OTOG: variants seen among roughly 807,000 people sequenced by gnomAD.
OTOG encodes the protein otogelin.
In OTOG, 296 loss-of-function variants were observed where a neutral mutation model predicts 313.8. The observed-to-expected ratio is 0.94, with a 90% confidence interval of 0.86 to 1.04. The LOEUF (loss-of-function observed/expected upper bound fraction) is 1.04. OTOG is among the 50% of genes least tolerant of loss of function. OTOG has a pLI of 0.00. For synonymous variants in OTOG, 1,533 were observed against 1,554.9 expected, an observed-to-expected ratio of 0.99 and a Z score of 0.33; for missense variants, 3,948 against 3,840.1, an observed-to-expected ratio of 1.03 and a Z score of -0.74.
chr11:17,611,294 G>A lies in OTOG; in HGVS notation c.5994G>A (p.Leu1998=), dbSNP rs1352384946. ...EAHGTSAGPH[L]AAEPVDEATT... Reference sequence around the variant, plus strand: ...ATGGAACCTCGGCAGGGCCTCACCTGGCAGCAGAGCCGGTGGACGAGGCCA... The same window carrying A: ...ATGGAACCTCGGCAGGGCCTCACCTAGCAGCAGAGCCGGTGGACGAGGCCA... Residue 1998 remains leucine, a synonymous_variant, in exon 36 of 56, where the codon CTG becomes CTA. Coordinates refer to ENST00000399397, the MANE Select transcript of OTOG (RefSeq NM_001292063.2). 3.9e-6 allele frequency: 6 copies of A among 1,550,560 alleles called. No individual in the cohort carries two copies. In the Admixed American group the frequency reaches 9.8e-5, roughly 25 times the overall value.
rs946719146 is a variant in OTOG, at chr11:17,557,423, C to T, written c.865+100C>T. 45 of 1,214,140 alleles carry T rather than the reference C, an allele frequency of 3.7e-5. No homozygotes were observed. In the Admixed American group the frequency reaches 4.7e-4, roughly 13 times the overall value. 75.2% of individuals were successfully genotyped at this position (1,214,140 alleles called of 1,614,324 possible). A position where few individuals can be genotyped will look rare whatever the true frequency, so the allele number is the denominator to read the frequency against. ...GGGACTTGGAACAGAGCCCTGGGGT[C>T]GTGGTCATGGTATTAAAGACCCAAT... On this transcript the variant is annotated intron_variant, in intron 8 of 55. Transcript: ENST00000399397.
At chr11:17,613,255 CTTTCTTTCTT>C (rs1853632097) in intron 38 of OTOG, among the ~76,000 whole-genome samples, 3 of 125,614 alleles carry the variant, frequency 2.4e-5, no homozygotes, top group African/African-American at 6.9e-5. Flanking sequence ...TTCTTTCTTT[CTTTCTTTCTT>C]TCTCTCTCTG....
rs192468094 is a variant in OTOG, at chr11:17,575,285, G to T, written c.2486+373G>T. Among the ~76,000 whole-genome samples, 92 of 152,366 alleles carry T rather than the reference G, an allele frequency of 6.0e-4. 3 individuals are homozygous for T. In the East Asian group the frequency reaches 0.014, roughly 24 times the overall value. On this transcript the variant is annotated intron_variant, in intron 20 of 55. Transcript: ENST00000399397. ...CAAAGCAGAGTTTAGCCCTCAGGGA[G>T]CTCACATTCTAGGGTTGCAAGACAG... is the stretch of plus-strand genomic sequence containing the variant.
intron 49 of OTOG, 48 bp from the exon 50 acceptor site, chr11:17,640,697 C>T (rs1326376457): frequency 6.5e-7 from 1 of 1,533,124 alleles, no homozygotes; most frequent in Non-Finnish European, 8.8e-7. Context: ...CTCCTGAGGG[C>T]CAGGCTGGCC....
At chr11:17,588,439 G>A (rs926757087) in intron 24 of OTOG, among the ~76,000 whole-genome samples, 2 of 151,970 alleles carry the variant, frequency 1.3e-5, no homozygotes, top group Non-Finnish European at 2.9e-5. Flanking sequence ...CAGCATGGTC[G>A]GCAGCATGGT....
In OTOG at chr11:17,613,697, G is replaced by C; in HGVS notation, c.6524G>C (p.Arg2175Pro). 1.3e-6 allele frequency: 2 copies of C among 1,549,096 alleles called. No homozygotes were observed. Among genetic ancestry groups the C allele is most frequent in the Non-Finnish European group, 1.7e-6 (2 of 1,146,102 alleles). Residue 2175 changes from arginine to proline, a missense_variant, in exon 39 of 56, where the codon CGA becomes CCA. Coordinates refer to ENST00000399397, the MANE Select transcript of OTOG (RefSeq NM_001292063.2). ...AHQVTIDRFN[R>P]KVTVDLQPVW... ...CAGGTCACTATTGATCGCTTCAACC[G>C]AAAGGTGAGTGCATCAAACAGCCAG...
Position 17,609,947 on chromosome 11 carries a change from A to T in OTOG, c.4647A>T (p.Pro1549=), listed in dbSNP as rs1471740295. The T allele has an allele frequency of 3.9e-6, 6 of 1,540,252 alleles. No individual in the cohort carries two copies. ...SQLPAGPTES[P]ASKGVTASLL... is the part of the protein sequence containing the mutation. Reference sequence around the variant, plus strand: ...TCCCCGCCGGCCCCACGGAGTCCCCAGCCAGCAAGGGAGTGACTGCCAGCC... The same window carrying T: ...TCCCCGCCGGCCCCACGGAGTCCCCTGCCAGCAAGGGAGTGACTGCCAGCC... The change falls in exon 36 of 56, where the codon CCA becomes CCT. Residue 1549 remains proline, a synonymous_variant. Coordinates refer to ENST00000399397, the MANE Select transcript of OTOG (RefSeq NM_001292063.2).
rs1439363890 is a variant in OTOG, at chr11:17,609,155, C to T, written c.4300C>T (p.Pro1434Ser). ...PRVEGCVPVC[P>S]TPQVLDEVTQ... The stretch of plus-strand genomic sequence containing the variant: ...GGTAGAAGGCTGTGTCCCTGTGTGC[C>T]CCACCCCCCAGGTCCTGGATGAAGT... Residue 1434 changes from proline to serine, a missense_variant, in exon 35 of 56, where the codon CCC (proline) becomes TCC (serine). Pro to Ser is a moderately conservative substitution (Grantham distance 74, BLOSUM62 -1). Transcript: ENST00000399397. 6.4e-7 allele frequency: 1 copy of T among 1,550,506 alleles called. No homozygotes were observed. The highest frequency in any genetic ancestry group is 1.2e-5 in the South Asian group (1 of 84,060).
Position 17,592,702 on chromosome 11 carries a change from C to T in OTOG, c.3007-491C>T, listed in dbSNP as rs575508428. The stretch of plus-strand genomic sequence containing the variant: ...TAGAATTCTACAGAAATAATGCCCT[C>T]GAGTTTGCTTTATTTTTTCCCCATC... On this transcript the variant is annotated intron_variant, in intron 25 of 55. Transcript: ENST00000399397. Among the ~76,000 whole-genome samples the T allele has an allele frequency of 1.4e-4, 22 of 152,242 alleles. No homozygotes were observed. In the South Asian group the frequency reaches 2.9e-3, roughly 20 times the overall value.
At chr11:17,618,719 T>C (rs1041034875) in intron 39 of OTOG, among the ~76,000 whole-genome samples, 1 of 152,234 alleles carries the variant, frequency 6.6e-6, no homozygotes, top group African/African-American at 2.4e-5. Flanking sequence ...TTCACATATA[T>C]TGAAATTCTG....
chr11:17,613,403 TTC>T (rs1853646070), intron 38 of OTOG, among the ~76,000 whole-genome samples: 1 of 149,782 alleles, frequency 6.7e-6, no homozygotes, highest in Non-Finnish European at 1.5e-5. Flanking sequence ...CTTCCTTTTT[TTC>T]TGTTTTGGTC....
In OTOG at chr11:17,610,643, G is replaced by T. The variant is rs372108333; in HGVS notation, c.5343G>T (p.Gly1781=). 6.4e-7 allele frequency: 1 copy of T among 1,550,480 alleles called. No individual in the cohort carries two copies. The highest frequency in any genetic ancestry group is 8.7e-7 in the Non-Finnish European group (1 of 1,146,996). Residue 1781 remains glycine (G), a synonymous_variant, in exon 36 of 56, where the codon GGG becomes GGT. Coordinates refer to ENST00000399397, the MANE Select transcript of OTOG (RefSeq NM_001292063.2). The stretch of plus-strand genomic sequence containing the variant: ...CCAGCCTGTCAACAGCCACTGATGG[G>T]CTGGCAGCCACACCCTTCATGTCCC... ...AAASLSTATD[G]LAATPFMSLE... is the part of the protein sequence containing the mutation.
At chr11:17,608,442 G>A in intron 34 of OTOG, 29 bp downstream of exon 34, 2 of 1,446,412 alleles carry the variant, frequency 1.4e-6, no homozygotes, top group Non-Finnish European at 1.9e-6. Flanking sequence ...TGGGCATGGA[G>A]CCAAGGTGTG....
At chr11:17,557,784 A>G (rs1008334077) in intron 8 of OTOG, among the ~76,000 whole-genome samples, 15 of 152,098 alleles carry the variant, frequency 9.9e-5, no homozygotes, top group Non-Finnish European at 1.5e-5. Context: ...ACACCATACT[A>G]AACACTTTAC....
intron 32 of OTOG, among the ~76,000 whole-genome samples, chr11:17,603,234 G>GT (rs1372742452): frequency 6.6e-6 from 1 of 152,126 alleles, no homozygotes; most frequent in African/African-American, 2.4e-5. Flanking sequence ...GGAGTGAGGA[G>GT]TCAGGCACTG....
chr11:17,557,613 T>A (rs535906873), intron 8 of OTOG, among the ~76,000 whole-genome samples: 1 of 152,112 alleles, frequency 6.6e-6, no homozygotes, highest in Admixed American at 6.5e-5. Flanking sequence ...CCCTGCAATG[T>A]GGGGCATGGG....
chr11:17,573,084 A>T lies in OTOG; in HGVS notation c.2087A>T (p.Tyr696Phe). 1 of 1,546,584 alleles carries T rather than the reference A, an allele frequency of 6.5e-7. No individual in the cohort carries two copies. Among genetic ancestry groups the T allele is most frequent in the Non-Finnish European group, 8.7e-7 (1 of 1,145,742 alleles). Residue 696 changes from tyrosine to phenylalanine, a missense_variant, in exon 19 of 56, where the codon TAC (tyrosine) becomes TTC (phenylalanine). Transcript: ENST00000399397. Reference sequence around the variant, plus strand: ...CCTGTTCTTCCTTCCCCAGCCTCCTACTCAGTGCAGGCCTGCAGCGTGCTC... The same window carrying T: ...CCTGTTCTTCCTTCCCCAGCCTCCTTCTCAGTGCAGGCCTGCAGCGTGCTC... The part of the protein sequence containing the change: ...PCDVHLQAAS[Y>F]SVQACSVLTG...
At chr11:17,618,084 G>A (rs1853770155) in intron 39 of OTOG, among the ~76,000 whole-genome samples, 2 of 151,960 alleles carry the variant, frequency 1.3e-5, no homozygotes, top group South Asian at 2.1e-4. Flanking sequence ...TGTATTTTTA[G>A]TAGAGACGGG....
intron 12 of OTOG, 97 bp downstream of exon 12, chr11:17,559,759 G>T: frequency 9.2e-6 from 4 of 436,944 alleles, no homozygotes; most frequent in Non-Finnish European, 8.0e-6. Flanking sequence ...TTTGTGGAAG[G>T]AAGGAAGGAA....
Sources: allele counts gnomAD v4.1 joint callset (sites outside exome capture counted in the v4.1 genomes callset), GRCh38; gene constraint gnomAD v4.1.1; transcripts MANE v1.5; gene names NCBI Gene and HGNC (gene_info 2026-07-23, HGNC 2026-07-21).